The following STARD13 variants were observed in gnomAD, a reference collection of about 807,000 sequenced individuals.
STARD13 encodes the protein StAR related lipid transfer domain containing 13, also known as stAR-related lipid transfer protein 13.
In STARD13, 62 loss-of-function variants were observed where a neutral mutation model predicts 106.4. That is an observed-to-expected ratio of 0.58 (90% CI 0.48 to 0.72). The LOEUF (loss-of-function observed/expected upper bound fraction) is 0.72. STARD13 is among the 30% of genes least tolerant of loss of function. The pLI is 0.00. For missense variants in STARD13, 1,387 were observed against 1,424.0 expected (o/e 0.97, Z 0.42); for synonymous variants, 565 against 553.0 (o/e 1.02, Z -0.31).
chr13:33,331,937 GACA>G (rs1296445550), intron 1 of STARD13, among the ~76,000 whole-genome samples: 4 of 152,106 alleles, frequency 2.6e-5, no homozygotes, highest in African/African-American at 9.7e-5. Context: ...GTATAATTGA[GACA>G]TTAACTAAAT....
the STARD13 span, among the ~76,000 whole-genome samples, chr13:33,584,504 C>T: frequency 4.2e-4 from 64 of 151,892 alleles, no homozygotes; most frequent in Non-Finnish European, 8.8e-5. Context: ...ATGATCCAAT[C>T]ACCTCCCATC....
the STARD13 span, among the ~76,000 whole-genome samples, chr13:33,499,654 T>TC: frequency 6.9e-6 from 1 of 144,046 alleles, no homozygotes; most frequent in Admixed American, 7.1e-5. Flanking sequence ...TTCTCCTTCT[T>TC]CTTCTTCTTC....
At chr13:33,209,725 C>T (rs1167241846) in intron 1 of STARD13, among the ~76,000 whole-genome samples, 1 of 152,112 alleles carries the variant, frequency 6.6e-6, no homozygotes, top group Non-Finnish European at 1.5e-5. Flanking sequence ...ACTCCCAACA[C>T]TTTGGGAGAC....
intron 1 of STARD13, among the ~76,000 whole-genome samples, chr13:33,221,558 T>G (rs985422448): frequency 1.1e-4 from 17 of 152,182 alleles, no homozygotes; most frequent in African/African-American, 4.1e-4. Context: ...AGTGGATCCC[T>G]CCTCCTGTTC....
At chr13:33,327,062 CAAA>C (rs1458772688) in intron 1 of STARD13, among the ~76,000 whole-genome samples, 3 of 152,280 alleles carry the variant, frequency 2.0e-5, no homozygotes, top group African/African-American at 7.2e-5. Flanking sequence ...GGTTAGCACT[CAAA>C]AAGCTGTATT....
At chr13:33,456,433 G>T in the STARD13 span, among the ~76,000 whole-genome samples, 1 of 152,008 alleles carries the variant, frequency 6.6e-6, no homozygotes, top group African/African-American at 2.4e-5. Context: ...CAAGAGATCT[G>T]CCCCCCTCAG....
chr13:33,302,319 C>T (rs1892751961), intron 1 of STARD13, among the ~76,000 whole-genome samples: 1 of 152,140 alleles, frequency 6.6e-6, no homozygotes, highest in Non-Finnish European at 1.5e-5. Flanking sequence ...GTAATGATAG[C>T]TCACATTTTT....
At chr13:33,254,304 G>A (rs1471842695) in intron 1 of STARD13, among the ~76,000 whole-genome samples, 1 of 152,192 alleles carries the variant, frequency 6.6e-6, no homozygotes, top group Non-Finnish European at 1.5e-5. Flanking sequence ...AACAGTGTTG[G>A]AGAGAGAACA....
chr13:33,143,842 C>T (rs542259321), intron 3 of STARD13, among the ~76,000 whole-genome samples: 33 of 152,252 alleles, frequency 2.2e-4, no homozygotes, highest in African/African-American at 6.5e-4. Context: ...TGAGCCACCG[C>T]GCCCAGCTTG....
chr13:33,358,547 G>C, the STARD13 span, among the ~76,000 whole-genome samples: 1 of 151,950 alleles, frequency 6.6e-6, no homozygotes, highest in Non-Finnish European at 1.5e-5. Context: ...TGCACCAATC[G>C]ACACTCTGTA....
At chr13:33,338,218 A>T (rs190841258) in intron 1 of STARD13, among the ~76,000 whole-genome samples, 1 of 152,292 alleles carries the variant, frequency 6.6e-6, no homozygotes, top group Admixed American at 6.5e-5. Flanking sequence ...TATCAGACCA[A>T]CCCATGAAAT....
At chr13:33,361,485 A>G in the STARD13 span, among the ~76,000 whole-genome samples, 1 of 152,106 alleles carries the variant, frequency 6.6e-6, no homozygotes, top group African/African-American at 2.4e-5. Context: ...GAGTAGGAGG[A>G]CCTGGTCCCC....
At chr13:33,367,447 G>GT in the STARD13 span, among the ~76,000 whole-genome samples, 22 of 152,018 alleles carry the variant, frequency 1.4e-4, no homozygotes, top group African/African-American at 5.3e-4. Context: ...GTTAACTGCA[G>GT]TAAGGAGAAA....
chr13:33,297,761 T>A (rs953299760), intron 1 of STARD13, among the ~76,000 whole-genome samples: 2 of 152,164 alleles, frequency 1.3e-5, no homozygotes, highest in Non-Finnish European at 1.5e-5. Context: ...GCCTAACCAA[T>A]GATATATGAT....
chr13:33,391,707 G>A, the STARD13 span, among the ~76,000 whole-genome samples: 13 of 152,162 alleles, frequency 8.5e-5, no homozygotes, highest in East Asian at 1.5e-3. Flanking sequence ...TCAGCTTTGC[G>A]TCAAAATGTG....
At chr13:33,389,342 T>C in the STARD13 span, among the ~76,000 whole-genome samples, 1 of 152,064 alleles carries the variant, frequency 6.6e-6, no homozygotes, top group Non-Finnish European at 1.5e-5. Flanking sequence ...AACCCACTAA[T>C]TGAACAGTTT....
At chr13:33,182,246 T>G (rs1453632178) in intron 1 of STARD13, among the ~76,000 whole-genome samples, 1 of 152,210 alleles carries the variant, frequency 6.6e-6, no homozygotes, top group African/African-American at 2.4e-5. Flanking sequence ...ACTGACTTCA[T>G]CACCCGTTTA....
chr13:33,306,613 A>T (rs1892914051), intron 1 of STARD13, among the ~76,000 whole-genome samples: 1 of 152,202 alleles, frequency 6.6e-6, no homozygotes, highest in Admixed American at 6.5e-5. Flanking sequence ...TCTACAAGGA[A>T]CTTAAACAAA....
chr13:33,428,755 CT>C, the STARD13 span, among the ~76,000 whole-genome samples: 40 of 152,132 alleles, frequency 2.6e-4, no homozygotes, highest in Admixed American at 2.6e-3. Context: ...CAAACTATCC[CT>C]CTGATAAGGG....
Sources: allele counts gnomAD v4.1 joint callset (sites outside exome capture counted in the v4.1 genomes callset), GRCh38; gene constraint gnomAD v4.1.1; transcripts MANE v1.5; gene names NCBI Gene and HGNC (gene_info 2026-07-23, HGNC 2026-07-21).